RSPO2: variants seen among roughly 807,000 people sequenced by gnomAD.
RSPO2 encodes the protein R-spondin 2, also known as R-spondin-2.
In RSPO2, 14 loss-of-function variants were observed where a neutral mutation model predicts 30.9. That is an observed-to-expected ratio of 0.45 (90% CI 0.30 to 0.71). The LOEUF is 0.71. Ranked by LOEUF, RSPO2 falls within the 30% of genes least tolerant of loss-of-function variation. The pLI, the probability that RSPO2 is intolerant of heterozygous loss-of-function variation, is 0.08. For missense variants in RSPO2, 264 were observed against 301.9 expected (o/e 0.87, Z 0.93); for synonymous variants, 107 against 96.4 (o/e 1.11, Z -0.64).
intron 2 of RSPO2, among the ~76,000 whole-genome samples, chr8:108,036,383 C>T (rs1811595890): frequency 6.6e-6 from 1 of 152,186 alleles, no homozygotes; most frequent in South Asian, 2.1e-4. Context: ...ACATATATAG[C>T]AAAAGATCCT....
chr8:108,057,335 T>A (rs1460109142), intron 2 of RSPO2, among the ~76,000 whole-genome samples: 1 of 152,088 alleles, frequency 6.6e-6, no homozygotes, highest in African/African-American at 2.4e-5. Context: ...TGCAAAATGT[T>A]AACAGCAGCC....
chr8:107,991,214 T>A (rs1814833756), intron 2 of RSPO2, among the ~76,000 whole-genome samples: 1 of 150,228 alleles, frequency 6.7e-6, no homozygotes, highest in Admixed American at 6.7e-5. Flanking sequence ...GCCATTGCAC[T>A]CCAGCCTGGG....
intron 3 of RSPO2, among the ~76,000 whole-genome samples, chr8:107,971,465 G>A (rs1431002922): frequency 6.6e-6 from 1 of 152,144 alleles, no homozygotes; most frequent in Non-Finnish European, 1.5e-5. Flanking sequence ...TGCCCTTTGA[G>A]TTTTCCATAA....
intron 3 of RSPO2, among the ~76,000 whole-genome samples, chr8:107,982,171 C>T (rs1396146025): frequency 6.6e-6 from 1 of 152,022 alleles, no homozygotes; most frequent in African/African-American, 2.4e-5. Flanking sequence ...ATTCATGGAT[C>T]TAAAATTATA....
At chr8:107,983,158 A>G in intron 3 of RSPO2, 1 of 1,519,758 alleles carries the variant, frequency 6.6e-7, no homozygotes, top group Non-Finnish European at 8.9e-7. Context: ...TCATCAACAG[A>G]GCAGATGAGC....
intron 2 of RSPO2, among the ~76,000 whole-genome samples, chr8:108,023,093 G>C (rs925987934): frequency 6.6e-6 from 1 of 152,110 alleles, no homozygotes; most frequent in Non-Finnish European, 1.5e-5. Context: ...GAGAGGAAGC[G>C]ATAGAGGGAG....
intron 2 of RSPO2, among the ~76,000 whole-genome samples, chr8:108,038,671 T>C (rs1811664952): frequency 1.3e-5 from 2 of 151,928 alleles, no homozygotes; most frequent in Admixed American, 1.3e-4. Context: ...ACCACACTGA[T>C]CAGTCAGCTG....
intron 3 of RSPO2, 67 bp downstream of exon 3, chr8:107,988,989 C>T (rs1332558283): frequency 5.1e-6 from 7 of 1,370,720 alleles, no homozygotes; most frequent in Non-Finnish European, 5.0e-6. Context: ...CATTCAAAAT[C>T]TTCAACTTAG....
intron 5 of RSPO2, among the ~76,000 whole-genome samples, chr8:107,916,907 C>G (rs1311296220): frequency 6.6e-6 from 1 of 152,096 alleles, no homozygotes; most frequent in Non-Finnish European, 1.5e-5. Flanking sequence ...ACCTTATGGT[C>G]AAACGAATTA....
chr8:107,989,468 C>T (rs770975298), intron 2 of RSPO2: 3 of 475,526 alleles, frequency 6.3e-6, no homozygotes, highest in African/African-American at 2.0e-5. Flanking sequence ...AGAGTTGAGG[C>T]CAGAAGCTAA....
intron 2 of RSPO2, among the ~76,000 whole-genome samples, chr8:108,007,495 A>G (rs72680483): frequency 0.014 from 2,076 of 152,304 alleles, 19 homozygotes; most frequent in Non-Finnish European, 0.021. Context: ...ATCACCAATA[A>G]TGGGACAAAC....
chr8:108,034,913 T>C (rs1180733526), intron 2 of RSPO2, among the ~76,000 whole-genome samples: 1 of 152,248 alleles, frequency 6.6e-6, no homozygotes, highest in Non-Finnish European at 1.5e-5. Context: ...CTTCATGATT[T>C]GAGCAATATT....
At chr8:107,945,191 G>C (rs1813018149) in intron 5 of RSPO2, among the ~76,000 whole-genome samples, 1 of 148,000 alleles carries the variant, frequency 6.8e-6, no homozygotes, top group Non-Finnish European at 1.5e-5. Context: ...ATTCAATTTG[G>C]TAACCAATTC....
At chr8:108,050,633 T>A (rs1261325263) in intron 2 of RSPO2, among the ~76,000 whole-genome samples, 1 of 152,170 alleles carries the variant, frequency 6.6e-6, no homozygotes, top group East Asian at 1.9e-4. Flanking sequence ...AAATCCCATT[T>A]GGAATGAACA....
chr8:107,986,238 A>T (rs1814626672), intron 3 of RSPO2, among the ~76,000 whole-genome samples: 1 of 152,194 alleles, frequency 6.6e-6, no homozygotes, highest in African/African-American at 2.4e-5. Flanking sequence ...AAGAAACATG[A>T]TTATCCAAAG....
At chr8:108,056,716 T>C (rs1286639805) in intron 2 of RSPO2, among the ~76,000 whole-genome samples, 2 of 150,762 alleles carry the variant, frequency 1.3e-5, no homozygotes, top group African/African-American at 2.4e-5. Context: ...TAAGTGATTA[T>C]AGTGTATTAA....
At position 107,960,608 on chromosome 8, in the gene RSPO2, A is replaced by G; in HGVS notation, c.427+66T>C. 3 of 1,440,384 alleles carry G rather than the reference A, an allele frequency of 2.1e-6. No individual in the cohort carries two copies. The Admixed American group carries it at 5.7e-5, about 27-fold the overall frequency. 89.2% of individuals were successfully genotyped at this position (1,440,384 alleles called of 1,614,324 possible). ...CTTAGTTTAAATATATCCAGCATGC[A>G]TATTTTTAAGAAACAAGTGCTAAAA... On this transcript the variant is annotated intron_variant, in intron 4 of 5. Transcript: ENST00000276659.
intron 5 of RSPO2, among the ~76,000 whole-genome samples, chr8:107,904,237 C>T (rs576017382): frequency 1.1e-4 from 17 of 151,532 alleles, no homozygotes; most frequent in South Asian, 8.3e-4. Flanking sequence ...ATATGCTATA[C>T]GGGAAGTATT....
chr8:108,033,176 C>G (rs531777305), intron 2 of RSPO2, among the ~76,000 whole-genome samples: 7 of 151,128 alleles, frequency 4.6e-5, no homozygotes, highest in African/African-American at 1.5e-4. Context: ...GTGGATATTA[C>G]AAGTGTAAGC....
Sources: gnomAD v4.1 joint callset for allele counts (sites outside exome capture counted in the v4.1 genomes callset) on GRCh38, gnomAD v4.1.1 for gene constraint, MANE v1.5 for transcripts, NCBI Gene and HGNC (gene_info 2026-07-23, HGNC 2026-07-21) for gene names.